HHIPL1: variants seen among roughly 807,000 people sequenced by gnomAD.
HHIPL1 encodes HHIP like 1.
HHIPL1 carries 43 observed loss-of-function variants against 61.8 expected under a neutral mutation model. The observed-to-expected ratio is 0.70, with a 90% CI of 0.55 to 0.90. The LOEUF is 0.90. Ranked by LOEUF, HHIPL1 falls within the 40% of genes least tolerant of loss-of-function variation. The pLI, the probability that HHIPL1 is intolerant of heterozygous loss-of-function variation, is 0.00. For synonymous variants in HHIPL1, 482 were observed against 515.8 expected (o/e 0.93, Z 0.89); for missense variants, 1,056 against 1,157.7 (o/e 0.91, Z 1.28).
At chr14:99,655,652 G>A (rs2056016398) in intron 2 of HHIPL1, among the ~76,000 whole-genome samples, 1 of 152,070 alleles carries the variant, frequency 6.6e-6, no homozygotes, top group African/African-American at 2.4e-5. Context: ...AGAAGGGATT[G>A]AGAAATCAGT....
Position 99,659,509 on chromosome 14 carries a change from C to T in HHIPL1, c.1128C>T (p.Asn376=). 1 of 1,542,312 alleles carries T rather than the reference C, an allele frequency of 6.5e-7. No individual in the cohort carries two copies. Among genetic ancestry groups the T allele is most frequent in the South Asian group, 1.2e-5 (1 of 83,624 alleles). Reference sequence around the variant, plus strand: ...TGCCCTACGGCATCCCGCCCGACAACCCGTTCGTGGGCGACCCCGCGGCGC... The same window carrying T: ...TGCCCTACGGCATCCCGCCCGACAATCCGTTCGTGGGCGACCCCGCGGCGC... The part of the protein sequence containing the change: ...RGLPYGIPPD[N]PFVGDPAAQP... The change falls in exon 4 of 9, where the codon AAC becomes AAT. Residue 376 remains asparagine (N), a synonymous_variant. Coordinates refer to ENST00000330710, the MANE Select transcript of HHIPL1 (RefSeq NM_001127258.3).
intron 6 of HHIPL1, among the ~76,000 whole-genome samples, chr14:99,665,783 TTTTG>T (rs1301994253): frequency 3.9e-5 from 6 of 152,164 alleles, no homozygotes; most frequent in African/African-American, 1.2e-4. Context: ...GGATTTTTGT[TTTTG>T]TTTGTTTGTT....
Position 99,668,852 on chromosome 14 carries a change from T to G in HHIPL1, c.1730+549T>G, listed in dbSNP as rs748525920. On this transcript the variant is annotated intron_variant, in intron 7 of 8. Transcript: ENST00000330710. The surrounding 1 kb of genome is among the most constrained non-coding windows in gnomAD (Gnocchi z 4.7). ...TCTAGCTGTAAGGCCAGAAGCGCCATGCCCGGCTATGTCCCAGCTCCTTCC... is the reference window on the plus strand; with the variant it reads ...TCTAGCTGTAAGGCCAGAAGCGCCAGGCCCGGCTATGTCCCAGCTCCTTCC... 3 of 1,613,998 alleles carry G rather than the reference T, an allele frequency of 1.9e-6. No homozygotes were observed.
At chr14:99,628,373 A>T in the HHIPL1 span, among the ~76,000 whole-genome samples, 1 of 152,282 alleles carries the variant, frequency 6.6e-6, no homozygotes, top group East Asian at 1.9e-4. Flanking sequence ...TGAGGTCAGG[A>T]GTTCGAGACC....
At chr14:99,635,146 G>A in the HHIPL1 span, among the ~76,000 whole-genome samples, 12 of 152,190 alleles carry the variant, frequency 7.9e-5, no homozygotes, top group Admixed American at 7.9e-4. Context: ...GGGTCTGCAG[G>A]GGTGGAGGTC....
chr14:99,613,667 G>A, the HHIPL1 span, among the ~76,000 whole-genome samples: 2 of 151,950 alleles, frequency 1.3e-5, no homozygotes, highest in Admixed American at 6.5e-5. Context: ...CCAGCACTTT[G>A]GGAGGCCGAG....
intron 5 of HHIPL1, among the ~76,000 whole-genome samples, chr14:99,662,266 G>A (rs1376699065): frequency 6.6e-6 from 1 of 152,180 alleles, no homozygotes; most frequent in Non-Finnish European, 1.5e-5. Context: ...GGCCTTCAGG[G>A]AGGGCTTCAC....
rs778098930 is a variant in HHIPL1 at position 99,659,618 on chromosome 14, G to T, written c.1237G>T (p.Gly413Trp). ...RGDPSSGTGR[G>W]RLFCGDVGQN... The stretch of plus-strand genomic sequence containing the variant: ...CGACCCCTCCTCGGGCACTGGCCGC[G>T]GGCGCCTCTTCTGCGGCGACGTGGG... Residue 413 changes from glycine (G) to tryptophan (W), a missense_variant, in exon 4 of 9, where the codon GGG (glycine) becomes TGG (tryptophan). By Grantham distance (184) the Gly-to-Trp change is radical. Coordinates refer to ENST00000330710, the MANE Select transcript of HHIPL1 (RefSeq NM_001127258.3). The T allele has an allele frequency of 4.5e-6, 7 of 1,548,052 alleles. No individual in the cohort carries two copies. Among genetic ancestry groups the T allele is most frequent in the South Asian group, 1.2e-5 (1 of 83,420 alleles).
chr14:99,634,346 C>T, the HHIPL1 span, among the ~76,000 whole-genome samples: 2 of 146,694 alleles, frequency 1.4e-5, no homozygotes, highest in African/African-American at 5.3e-5. Context: ...ATGAGGAAGT[C>T]CCCCGTGACG....
In HHIPL1 at chr14:99,660,221, T is replaced by C; in HGVS notation, c.1376-59T>C. 6.3e-7 allele frequency: 1 copy of C among 1,591,104 alleles called. No individual in the cohort carries two copies. Among genetic ancestry groups the C allele is most frequent in the Non-Finnish European group, 8.6e-7 (1 of 1,166,122 alleles). ...CCGCGGAATCCCTCCGGAATTCTCC[T>C]GGCTGATGAACCTTCCCGCCGCTGG... On this transcript the variant is annotated intron_variant, in intron 4 of 8. Coordinates refer to ENST00000330710, the MANE Select transcript of HHIPL1 (RefSeq NM_001127258.3). This position sits in a 1 kb window ranked among gnomAD's most constrained non-coding sequence, Gnocchi z 4.9.
At chr14:99,664,325 G>A (rs369633261) in intron 6 of HHIPL1, among the ~76,000 whole-genome samples, 2 of 152,214 alleles carry the variant, frequency 1.3e-5, no homozygotes, top group East Asian at 3.9e-4. Flanking sequence ...GCAGCCCCCA[G>A]CCCCCACAGC....
intron 7 of HHIPL1, among the ~76,000 whole-genome samples, chr14:99,671,639 G>A (rs1321687810): frequency 1.3e-5 from 2 of 152,142 alleles, no homozygotes; most frequent in Non-Finnish European, 2.9e-5. Context: ...TAATTAAAAC[G>A]GAATTCCATT....
At chr14:99,618,369 C>A in the HHIPL1 span, among the ~76,000 whole-genome samples, 1 of 152,200 alleles carries the variant, frequency 6.6e-6, no homozygotes, top group African/African-American at 2.4e-5. Flanking sequence ...TGGACTGGTC[C>A]GATCCTAGAG....
chr14:99,629,003 G>A, the HHIPL1 span, among the ~76,000 whole-genome samples: 63 of 152,332 alleles, frequency 4.1e-4, 1 homozygote, highest in African/African-American at 1.5e-3. Context: ...CCACCAGCAA[G>A]ACCGGCGGCA....
At position 99,662,978 on chromosome 14, in the gene HHIPL1, C is replaced by T. The variant is rs756045342; in HGVS notation, c.1605C>T (p.Asn535=). ...GQTCEFPGLI[N]NYYPYIISFG... is the part of the protein sequence containing the mutation. ...CCTGTGAGTTCCCAGGCCTCATCAA[C>T]AACTACTACCCGTACATCATCTCCT... is the stretch of plus-strand genomic sequence containing the variant. Residue 535 remains asparagine, a synonymous_variant, in exon 6 of 9, where the codon AAC becomes AAT. Coordinates refer to ENST00000330710, the MANE Select transcript of HHIPL1 (RefSeq NM_001127258.3). 9 of 1,613,818 alleles carry T rather than the reference C, an allele frequency of 5.6e-6. No individual in the cohort carries two copies. The South Asian group carries it at 9.9e-5, about 18-fold the overall frequency.
chr14:99,665,649 G>A (rs935908319), intron 6 of HHIPL1, among the ~76,000 whole-genome samples: 10 of 152,196 alleles, frequency 6.6e-5, no homozygotes, highest in African/African-American at 2.4e-4. Context: ...TGCCTAGGCA[G>A]GTGTGGAACT....
chr14:99,657,678 A>T (rs1290866211), intron 3 of HHIPL1, among the ~76,000 whole-genome samples: 1 of 152,124 alleles, frequency 6.6e-6, no homozygotes, highest in East Asian at 1.9e-4. Flanking sequence ...ATCTCATTCC[A>T]TTACACACAC....
chr14:99,634,422 G>A, the HHIPL1 span, among the ~76,000 whole-genome samples: 1 of 152,216 alleles, frequency 6.6e-6, no homozygotes, highest in African/African-American at 2.4e-5. Context: ...TCTTACTCGA[G>A]CAAATAAATG....
At chr14:99,634,086 C>T in the HHIPL1 span, among the ~76,000 whole-genome samples, 8 of 152,282 alleles carry the variant, frequency 5.3e-5, no homozygotes, top group South Asian at 4.1e-4. Flanking sequence ...TGCAGAGGCG[C>T]GAGCACTCAC....
Sources: allele counts gnomAD v4.1 joint callset (sites outside exome capture counted in the v4.1 genomes callset), GRCh38; gene constraint gnomAD v4.1.1; non-coding constraint Gnocchi (gnomAD v3.1); transcripts MANE v1.5; gene names NCBI Gene and HGNC (gene_info 2026-07-23, HGNC 2026-07-21).